The following NKAIN3 variants were observed in gnomAD, a reference collection of about 807,000 sequenced individuals.
NKAIN3 encodes the protein sodium/potassium-transporting ATPase subunit beta-1-interacting protein 3.
In NKAIN3, 25 loss-of-function variants were observed where a neutral mutation model predicts 30.2. The ratio of observed to expected loss-of-function variants is 0.83; its 90% CI spans 0.60 to 1.16. The LOEUF (loss-of-function observed/expected upper bound fraction) is 1.16, where lower values mean the gene tolerates loss of function less well. Among genes scored for constraint, NKAIN3 ranks in the 50% most tolerant of loss-of-function variants. The probability of loss-of-function intolerance (pLI) is 0.00; values close to 1 mark genes in which losing one functional copy is unlikely to be tolerated. For synonymous variants in NKAIN3, 91 were observed against 89.6 expected (o/e 1.02, Z -0.09); for missense variants, 225 against 254.1 (o/e 0.89, Z 0.78).
At chr8:62,896,037 T>C (rs1250616715) in intron 4 of NKAIN3, among the ~76,000 whole-genome samples, 1 of 151,920 alleles carries the variant, frequency 6.6e-6, no homozygotes, top group Non-Finnish European at 1.5e-5. Context: ...GATGTCTCAG[T>C]CAATTTGAGC....
At chr8:62,871,470 A>AGT (rs368694666) in intron 4 of NKAIN3, among the ~76,000 whole-genome samples, 34 of 151,782 alleles carry the variant, frequency 2.2e-4, no homozygotes, top group African/African-American at 7.5e-4. Flanking sequence ...AGTTACCATT[A>AGT]GTGTGTGTGT....
chr8:62,749,838 A>T (rs931445573), intron 4 of NKAIN3, among the ~76,000 whole-genome samples: 3 of 151,368 alleles, frequency 2.0e-5, no homozygotes, highest in Non-Finnish European at 2.9e-5. Context: ...GCACGCCGCC[A>T]CGTCCAGCTA....
intron 4 of NKAIN3, among the ~76,000 whole-genome samples, chr8:62,799,199 T>G (rs1258258901): frequency 6.6e-6 from 1 of 152,100 alleles, no homozygotes; most frequent in Admixed American, 6.6e-5. Flanking sequence ...CCAAAATAAT[T>G]TCATCATGTT....
At chr8:62,573,012 G>A (rs1809996176) in intron 1 of NKAIN3, among the ~76,000 whole-genome samples, 1 of 152,124 alleles carries the variant, frequency 6.6e-6, no homozygotes, top group Non-Finnish European at 1.5e-5. Flanking sequence ...AGTTAATGCG[G>A]GGCATGGCTA....
At chr8:62,406,750 A>G (rs975499498) in intron 1 of NKAIN3, among the ~76,000 whole-genome samples, 2 of 152,134 alleles carry the variant, frequency 1.3e-5, no homozygotes, top group African/African-American at 4.8e-5. Context: ...ATATTCCTCT[A>G]TTAGGTGTTC....
intron 3 of NKAIN3, among the ~76,000 whole-genome samples, chr8:62,658,752 A>G (rs1456119647): frequency 5.3e-5 from 8 of 152,188 alleles, no homozygotes; most frequent in Admixed American, 5.2e-4. Context: ...ATTGGCTGGT[A>G]AAACTATTCC....
chr8:62,824,707 A>T (rs899677), intron 4 of NKAIN3, among the ~76,000 whole-genome samples: 82,244 of 151,778 alleles, frequency 0.54, 24,046 homozygotes, highest in Non-Finnish European at 0.67. Context: ...TCTCCACTAT[A>T]TTTCACCTAT....
intron 1 of NKAIN3, among the ~76,000 whole-genome samples, chr8:62,424,458 A>C (rs1804739537): frequency 6.7e-6 from 1 of 148,794 alleles, no homozygotes; most frequent in Admixed American, 6.7e-5. Flanking sequence ...AGCAAAAAAA[A>C]CAAATAACCC....
At chr8:62,470,101 A>T (rs1342003803) in intron 1 of NKAIN3, among the ~76,000 whole-genome samples, 1 of 152,204 alleles carries the variant, frequency 6.6e-6, no homozygotes, top group East Asian at 1.9e-4. Context: ...CTGCTGAAAT[A>T]CTGAGCAATA....
At chr8:62,712,027 A>G (rs544832269) in intron 3 of NKAIN3, among the ~76,000 whole-genome samples, 12 of 152,308 alleles carry the variant, frequency 7.9e-5, no homozygotes, top group African/African-American at 2.9e-4. Context: ...CTAGCTACCC[A>G]GTAAGTCTAC....
intron 1 of NKAIN3, among the ~76,000 whole-genome samples, chr8:62,381,526 A>G (rs1183841574): frequency 3.5e-5 from 5 of 142,472 alleles, no homozygotes. Flanking sequence ...ACACATATAC[A>G]TATATATATT....
intron 4 of NKAIN3, among the ~76,000 whole-genome samples, chr8:62,764,274 T>C (rs1816766844): frequency 6.6e-6 from 1 of 152,198 alleles, no homozygotes; most frequent in Non-Finnish European, 1.5e-5. Flanking sequence ...CAGAATCTTC[T>C]TGAGAATAAT....
chr8:62,560,483 A>G (rs1355241103), intron 1 of NKAIN3, among the ~76,000 whole-genome samples: 2 of 145,768 alleles, frequency 1.4e-5, no homozygotes, highest in Non-Finnish European at 3.0e-5. Flanking sequence ...ATTCATATGC[A>G]TAATTTTTAT....
At chr8:62,277,770 G>A (rs1813012883) in intron 1 of NKAIN3, among the ~76,000 whole-genome samples, 1 of 152,104 alleles carries the variant, frequency 6.6e-6, no homozygotes, top group Non-Finnish European at 1.5e-5. Flanking sequence ...AATTTTCTGA[G>A]GACTTCTGCT....
At position 62,994,999 on chromosome 8, in the gene NKAIN3, G is replaced by A. The variant is rs1204137766; in HGVS notation, c.533-4232G>A. Among the ~76,000 whole-genome samples the A allele has an allele frequency of 5.3e-5, 8 of 152,274 alleles. No individual in the cohort carries two copies. The East Asian group carries it at 1.5e-3, about 29-fold the overall frequency. On this transcript the variant is annotated intron_variant, in intron 5 of 5. Transcript: ENST00000519049. ...TGGAGTAGGACTTTGATGATACTCTGAAATTGTACCTAAAGTAGACTAATC... is the reference window on the plus strand; with the variant it reads ...TGGAGTAGGACTTTGATGATACTCTAAAATTGTACCTAAAGTAGACTAATC...
At chr8:62,807,332 TCTC>T (rs1490078985) in intron 4 of NKAIN3, among the ~76,000 whole-genome samples, 1 of 152,074 alleles carries the variant, frequency 6.6e-6, no homozygotes. Context: ...GGTGTGTCCT[TCTC>T]CTCATGTGCT....
intron 1 of NKAIN3, among the ~76,000 whole-genome samples, chr8:62,381,614 A>G (rs1478865553): frequency 6.6e-6 from 1 of 151,968 alleles, no homozygotes; most frequent in African/African-American, 2.4e-5. Context: ...AGTAGGTAAT[A>G]TGGCCAGTTT....
chr8:62,836,080 AC>A (rs1386796202), intron 4 of NKAIN3, among the ~76,000 whole-genome samples: 1 of 152,082 alleles, frequency 6.6e-6, no homozygotes, highest in African/African-American at 2.4e-5. Context: ...GCGAATTAAG[AC>A]TGGAATAGAA....
At chr8:62,842,996 A>G (rs557422340) in intron 4 of NKAIN3, among the ~76,000 whole-genome samples, 5 of 152,218 alleles carry the variant, frequency 3.3e-5, no homozygotes, top group Non-Finnish European at 7.4e-5. Flanking sequence ...AAATAGACAA[A>G]TGGGATTGCA....
Sources: gnomAD v4.1 joint callset for allele counts (sites outside exome capture counted in the v4.1 genomes callset) on GRCh38, gnomAD v4.1.1 for gene constraint, MANE v1.5 for transcripts, NCBI Gene and HGNC (gene_info 2026-07-23, HGNC 2026-07-21) for gene names.